Variants in DDX4 observed in about 807,000 individuals in gnomAD.
The protein encoded by DDX4 is probable ATP-dependent RNA helicase DDX4.
A neutral mutation model predicts 100.0 loss-of-function variants in DDX4; 25 were observed. The ratio of observed to expected loss-of-function variants is 0.25; its 90% CI spans 0.18 to 0.35. The LOEUF (loss-of-function observed/expected upper bound fraction) is 0.35. Ranked by LOEUF, DDX4 falls within the 10% of genes least tolerant of loss-of-function variation. The pLI is 1.00. For missense variants in DDX4, 635 were observed against 882.4 expected, an observed-to-expected ratio of 0.72 and a Z score of 3.55; for synonymous variants, 259 against 275.7, an observed-to-expected ratio of 0.94 and a Z score of 0.60.
chr5:55,751,602 C>G (rs1398409290), intron 3 of DDX4, among the ~76,000 whole-genome samples: 1 of 152,156 alleles, frequency 6.6e-6, no homozygotes, highest in Non-Finnish European at 1.5e-5. Context: ...TAAGTTTCTA[C>G]TTTTGTAAGT....
At chr5:55,788,121 T>G in intron 15 of DDX4, 121 bp downstream of exon 15, 2 of 847,922 alleles carry the variant, frequency 2.4e-6, no homozygotes, top group Non-Finnish European at 3.5e-6. Context: ...TTAAAGTATT[T>G]TTTTATTATC....
chr5:55,758,006 C>T (rs574552949), intron 3 of DDX4, among the ~76,000 whole-genome samples: 9 of 152,328 alleles, frequency 5.9e-5, no homozygotes, highest in Admixed American at 2.6e-4. Context: ...AATTGTGCCA[C>T]TGCACTCCAA....
intron 18 of DDX4, among the ~76,000 whole-genome samples, chr5:55,811,644 T>A (rs373541040): frequency 1.2e-4 from 18 of 152,302 alleles, no homozygotes; most frequent in African/African-American, 4.3e-4. Flanking sequence ...CTAGTGTAGT[T>A]GCAACCACTT....
intron 7 of DDX4, among the ~76,000 whole-genome samples, chr5:55,770,804 T>C (rs886270629): frequency 3.5e-4 from 53 of 152,280 alleles, no homozygotes; most frequent in African/African-American, 1.1e-3. Context: ...ACAAGACTCA[T>C]CTTTTACCAT....
At chr5:55,787,565 ATGT>A (rs1428263006) in intron 14 of DDX4, among the ~76,000 whole-genome samples, 11 of 152,338 alleles carry the variant, frequency 7.2e-5, no homozygotes, top group East Asian at 5.8e-4. Context: ...AAATATGCTA[ATGT>A]TGTTGATCTG....
intron 3 of DDX4, among the ~76,000 whole-genome samples, chr5:55,751,835 G>T (rs1381477314): frequency 6.6e-6 from 1 of 152,186 alleles, no homozygotes; most frequent in African/African-American, 2.4e-5. Flanking sequence ...ATTTGATTTT[G>T]TAGTTTAAGA....
intron 18 of DDX4, among the ~76,000 whole-genome samples, chr5:55,803,652 G>C (rs534565915): frequency 6.6e-6 from 1 of 151,812 alleles, no homozygotes; most frequent in East Asian, 1.9e-4. Flanking sequence ...CAAAGGACAT[G>C]AACTCATCAT....
chr5:55,801,215 G>GC (rs960609337), intron 18 of DDX4, among the ~76,000 whole-genome samples: 3 of 103,504 alleles, frequency 2.9e-5, no homozygotes, highest in African/African-American at 9.9e-5. Flanking sequence ...ATGATGGGGT[G>GC]TTTTTTTTTT....
intron 10 of DDX4, among the ~76,000 whole-genome samples, chr5:55,782,864 C>T (rs1304077343): frequency 1.4e-5 from 2 of 144,634 alleles, no homozygotes; most frequent in East Asian, 2.1e-4. Flanking sequence ...GGTGTGATCT[C>T]GGCTCACTGC....
At chr5:55,798,162 T>C (rs1343655436) in intron 17 of DDX4, among the ~76,000 whole-genome samples, 1 of 152,234 alleles carries the variant, frequency 6.6e-6, no homozygotes, top group Non-Finnish European at 1.5e-5. Context: ...TATATAGTTT[T>C]GCGTGGATAG....
chr5:55,810,977 C>A (rs995230739), intron 18 of DDX4, among the ~76,000 whole-genome samples: 1 of 151,318 alleles, frequency 6.6e-6, no homozygotes, highest in African/African-American at 2.4e-5. Context: ...AATAGGGAAC[C>A]TTTTCTCTTT....
chr5:55,741,668 A>G lies in DDX4; in HGVS notation c.69+2636A>G, dbSNP rs565071746. Among the ~76,000 whole-genome samples, 162 of 152,296 alleles carry G rather than the reference A, an allele frequency of 1.1e-3. 1 individual carries two copies. Among genetic ancestry groups the G allele is most frequent in the Non-Finnish European group, 2.1e-3 (141 of 68,028 alleles). The stretch of plus-strand genomic sequence containing the variant: ...GCTGGGAGTGGTGGCACACGCCAGT[A>G]GCCTCAGCTACTTGGGAGGCTGAGG... On this transcript the variant is annotated intron_variant, in intron 2 of 21. Transcript: ENST00000505374.
intron 21 of DDX4, 145 bp downstream of exon 21, chr5:55,815,568 AT>A: frequency 8.3e-7 from 1 of 1,198,374 alleles, no homozygotes; most frequent in African/African-American, 1.6e-5. Flanking sequence ...TTTCATTAAC[AT>A]TTTATGTATA....
intron 18 of DDX4, among the ~76,000 whole-genome samples, chr5:55,808,666 G>A (rs143352975): frequency 3.1e-3 from 469 of 152,334 alleles, no homozygotes; most frequent in Middle Eastern, 6.8e-3. Context: ...CTACCTGATC[G>A]TTCCTCTGGA....
intron 17 of DDX4, among the ~76,000 whole-genome samples, chr5:55,796,384 T>C (rs1004632925): frequency 1.3e-5 from 2 of 152,226 alleles, no homozygotes; most frequent in African/African-American, 4.8e-5. Context: ...GCTTCTCTAT[T>C]TCCCACCTTA....
intron 18 of DDX4, among the ~76,000 whole-genome samples, chr5:55,808,323 A>G (rs768875581): frequency 2.0e-5 from 3 of 152,072 alleles, no homozygotes; most frequent in Non-Finnish European, 2.9e-5. Context: ...AACTCGTCAA[A>G]GTCATTCTCC....
At chr5:55,812,406 A>C (rs1744170563) in intron 18 of DDX4, among the ~76,000 whole-genome samples, 1 of 150,850 alleles carries the variant, frequency 6.6e-6, no homozygotes, top group African/African-American at 2.4e-5. Context: ...CTAAAAATAC[A>C]AAAAAAAATT....
rs188067405 is a variant in DDX4 at position 55,795,458 on chromosome 5, T to G, written c.1469+2651T>G. On this transcript the variant is annotated intron_variant, in intron 17 of 21. Coordinates refer to ENST00000505374, the MANE Select transcript of DDX4 (RefSeq NM_024415.3). ...GTGGTGATTCTTCTCTCACAGTCTT[T>G]TAACTCCGCTTTTAAAAATACTGAA... 1.2e-4 allele frequency among the ~76,000 whole-genome samples: 18 copies of G among 152,350 alleles called. No individual in the cohort carries two copies. The East Asian group carries it at 3.1e-3, about 26-fold the overall frequency.
At chr5:55,747,126 T>A (rs1405674426) in intron 3 of DDX4, among the ~76,000 whole-genome samples, 2 of 152,166 alleles carry the variant, frequency 1.3e-5, no homozygotes, top group African/African-American at 4.8e-5. Flanking sequence ...CTCATGCCTG[T>A]AATCCCAGCA....
Sources: allele counts gnomAD v4.1 joint callset (sites outside exome capture counted in the v4.1 genomes callset), GRCh38; gene constraint gnomAD v4.1.1; transcripts MANE v1.5; gene names NCBI Gene and HGNC (gene_info 2026-07-23, HGNC 2026-07-21).